COL12A1: variants seen among roughly 807,000 people sequenced by gnomAD.
COL12A1 encodes collagen alpha-1(XII) chain.
In COL12A1, 114 loss-of-function variants were observed where a neutral mutation model predicts 349.7. That is an observed-to-expected ratio of 0.33 (90% confidence interval 0.28 to 0.38). The LOEUF is 0.38. Among genes scored for constraint, COL12A1 ranks in the 10% least tolerant of loss-of-function variants. The pLI is 1.00. For synonymous variants in COL12A1, 1,369 were observed against 1,329.0 expected, an observed-to-expected ratio of 1.03 and a Z score of -0.66; for missense variants, 3,284 against 3,756.9, an observed-to-expected ratio of 0.87 and a Z score of 3.29.
chr6:75,196,118 GT>G, intron 2 of COL12A1, among the ~76,000 whole-genome samples: 1 of 152,174 alleles, frequency 6.6e-6, no homozygotes, highest in East Asian at 1.9e-4. Context: ...TCTCTACAAT[GT>G]TCATGCCTCA....
At chr6:75,178,932 A>T (rs1351939469) in intron 11 of COL12A1, among the ~76,000 whole-genome samples, 2 of 152,218 alleles carry the variant, frequency 1.3e-5, no homozygotes, top group African/African-American at 4.8e-5. Flanking sequence ...TGGAAGGAAA[A>T]AGATTAAACG....
intron 10 of COL12A1, among the ~76,000 whole-genome samples, chr6:75,182,290 C>T (rs539583871): frequency 1.3e-5 from 2 of 151,580 alleles, no homozygotes; most frequent in East Asian, 1.9e-4. Flanking sequence ...GTACATGTGC[C>T]ATGGTGGTTT....
chr6:75,156,609 C>T, intron 14 of COL12A1, 86 bp from the exon 15 acceptor site: 1 of 1,271,762 alleles, frequency 7.9e-7, no homozygotes. Flanking sequence ...AAGAAACTCT[C>T]TGTGGCTTCT....
rs1769934405 is a variant in COL12A1 at position 75,191,627 on chromosome 6, A to C, written c.394+74T>G. On this transcript the variant is annotated intron_variant, in intron 5 of 65. Transcript: ENST00000322507. Reference sequence around the variant, plus strand: ...AGGAATAAGATCAATCTATGTATATAATTGGAACATCTGTTCTATCCTACA... The same window carrying C: ...AGGAATAAGATCAATCTATGTATATCATTGGAACATCTGTTCTATCCTACA... 9 of 964,514 alleles carry C rather than the reference A, an allele frequency of 9.3e-6. No homozygotes were observed. The East Asian group carries it at 2.4e-4, about 26-fold the overall frequency. The allele number at this position is 964,514 out of a possible 1,614,324, so 59.7% of individuals were successfully genotyped here. A position where few individuals can be genotyped will look rare whatever the true frequency, so the allele number is the denominator to read the frequency against.
At chr6:75,128,987 TCTC>T (rs1766163606) in intron 37 of COL12A1, among the ~76,000 whole-genome samples, 1 of 152,200 alleles carries the variant, frequency 6.6e-6, no homozygotes, top group Non-Finnish European at 1.5e-5. Context: ...GAACCAGACA[TCTC>T]AATCTCTCTT....
chr6:75,148,251 C>A, intron 22 of COL12A1, 107 bp downstream of exon 22: 1 of 1,090,502 alleles, frequency 9.2e-7, no homozygotes, highest in Non-Finnish European at 1.3e-6. Flanking sequence ...CATTTCTGGC[C>A]CCTCTTCATC....
chr6:75,167,408 G>A (rs967613187), intron 13 of COL12A1, among the ~76,000 whole-genome samples: 5 of 152,114 alleles, frequency 3.3e-5, no homozygotes, highest in Admixed American at 2.0e-4. Context: ...TTGCTTGAAA[G>A]CAATTTTGAA....
At chr6:75,088,947 G>A (rs1270377903) in intron 64 of COL12A1, among the ~76,000 whole-genome samples, 159 bp downstream of exon 64, 1 of 151,462 alleles carries the variant, frequency 6.6e-6, no homozygotes, top group East Asian at 1.9e-4. Context: ...CTTGCAGTGA[G>A]CCAAGATCGC....
At chr6:75,192,716 A>C (rs1285548815) in intron 3 of COL12A1, among the ~76,000 whole-genome samples, 1 of 152,164 alleles carries the variant, frequency 6.6e-6, no homozygotes, top group Non-Finnish European at 1.5e-5. Context: ...AAATGAATTT[A>C]ATTTTAAATT....
At position 75,152,176 on chromosome 6, in the gene COL12A1, G is replaced by A; in HGVS notation, c.3790C>T (p.Gln1264Ter). 1 of 1,613,838 alleles carries A rather than the reference G, an allele frequency of 6.2e-7. No homozygotes were observed. The highest frequency in any genetic ancestry group is 8.5e-7 in the Non-Finnish European group (1 of 1,179,846). The change falls in exon 19 of 66, where the codon CAA becomes TAA. Residue 1264 changes from glutamine to a stop codon, truncating the protein, a stop_gained. Coordinates refer to ENST00000322507, the MANE Select transcript of COL12A1 (RefSeq NM_004370.6). LOFTEE classifies it high-confidence loss of function. Reference sequence around the variant, plus strand: ...TTGTACGGCAAGTTTGCCACAGCTTGCAACAAGCTCTTCTTGTCTCTGTGT... The same window carrying A: ...TTGTACGGCAAGTTTGCCACAGCTTACAACAAGCTCTTCTTGTCTCTGTGT... ...NAHRDKKSLL[Q>*]AVANLPYKGG... is the part of the protein sequence containing the mutation.
At chr6:75,182,930 C>T (rs1385323013) in intron 10 of COL12A1, 120 bp downstream of exon 10, 2 of 1,228,840 alleles carry the variant, frequency 1.6e-6, no homozygotes, top group East Asian at 4.7e-5. Context: ...TTTTCAATAA[C>T]ATAGGAAAGT....
At chr6:75,198,876 A>G (rs1232279111) in intron 2 of COL12A1, among the ~76,000 whole-genome samples, 4 of 152,228 alleles carry the variant, frequency 2.6e-5, no homozygotes, top group African/African-American at 9.6e-5. Flanking sequence ...TGTGATAACA[A>G]CACTGGAAAG....
chr6:75,123,352 G>T lies in COL12A1; in HGVS notation c.6924C>A (p.Pro2308=). The T allele has an allele frequency of 6.2e-7, 1 of 1,608,394 alleles. No individual in the cohort carries two copies. Among genetic ancestry groups the T allele is most frequent in the East Asian group, 2.2e-5 (1 of 44,642 alleles). The change falls in exon 43 of 66, where the codon CCC becomes CCA. Residue 2308 remains proline (P), a synonymous_variant. Transcript: ENST00000322507. ...TACCATCCCGGGCTGGTGGAATGGT[G>T]GGAGGGGGAGGAGGTGTGGGTGGCT... is the stretch of plus-strand genomic sequence containing the variant. ...PTEPPTPPPP[P]TIPPARDVCK...
chr6:75,087,785 T>G, intron 64 of COL12A1, 38 bp from the exon 65 acceptor site: 3 of 1,594,570 alleles, frequency 1.9e-6, no homozygotes, highest in Non-Finnish European at 2.6e-6. Context: ...TCCCCTCTTG[T>G]CAAATACAAC....
At chr6:75,158,713 CTA>C (rs1446435135) in intron 14 of COL12A1, among the ~76,000 whole-genome samples, 3 of 151,556 alleles carry the variant, frequency 2.0e-5, no homozygotes, top group Non-Finnish European at 4.4e-5. Flanking sequence ...AATTAAACTT[CTA>C]GAGATAAAGA....
In COL12A1 at chr6:75,085,955, A is replaced by G. The variant is rs1767465969; in HGVS notation, c.*592T>C. The G allele has an allele frequency of 6.5e-6, 1 of 153,518 alleles. No homozygotes were observed. Among genetic ancestry groups the G allele is most frequent in the Admixed American group, 6.5e-5 (1 of 15,456 alleles). 9.5% of individuals were successfully genotyped at this position (153,518 alleles called of 1,614,324 possible). On this transcript the variant is annotated 3_prime_UTR_variant, in exon 66 of 66. Transcript: ENST00000322507. ...AAATTGCAGTTACAAAACCCAAATGAGAGGACACGGACAAAAAAGTAACAA... is the reference window on the plus strand; with the variant it reads ...AAATTGCAGTTACAAAACCCAAATGGGAGGACACGGACAAAAAAGTAACAA...
intron 27 of COL12A1, among the ~76,000 whole-genome samples, chr6:75,140,975 G>A (rs1766862524): frequency 6.6e-6 from 1 of 152,140 alleles, no homozygotes; most frequent in Admixed American, 6.5e-5. Flanking sequence ...GGATTTTGAA[G>A]AACTGTTACA....
chr6:75,128,452 T>C, intron 37 of COL12A1, 27 bp from the exon 38 acceptor site: 4 of 1,526,216 alleles, frequency 2.6e-6, no homozygotes, highest in Non-Finnish European at 2.6e-6. Flanking sequence ...ATTATAAATA[T>C]ATTACCATCT....
At chr6:75,111,473 A>G (rs1768837628) in intron 51 of COL12A1, among the ~76,000 whole-genome samples, 1 of 151,934 alleles carries the variant, frequency 6.6e-6, no homozygotes, top group African/African-American at 2.4e-5. Context: ...AGATAAAATG[A>G]AGCATTCCAT....
Sources: gnomAD v4.1 joint callset for allele counts (sites outside exome capture counted in the v4.1 genomes callset) on GRCh38, gnomAD v4.1.1 for gene constraint, MANE v1.5 for transcripts, NCBI Gene and HGNC (gene_info 2026-07-23, HGNC 2026-07-21) for gene names.